The following PDE4B variants were observed in gnomAD, a reference collection of about 807,000 sequenced individuals.
PDE4B encodes the protein phosphodiesterase 4B.
PDE4B carries 20 observed loss-of-function variants against 82.2 expected under a neutral mutation model. That is an observed-to-expected ratio of 0.24 (90% CI 0.17 to 0.35). The LOEUF (loss-of-function observed/expected upper bound fraction) is 0.35, where lower values mean the gene tolerates loss of function less well. Among genes scored for constraint, PDE4B ranks in the 10% least tolerant of loss-of-function variants. PDE4B has a pLI of 1.00. For missense variants in PDE4B, 655 were observed against 907.2 expected (o/e 0.72, Z 3.57); for synonymous variants, 320 against 318.9 (o/e 1.00, Z -0.04).
At chr1:65,928,385 G>A (rs909069148) in intron 3 of PDE4B, among the ~76,000 whole-genome samples, 5 of 152,248 alleles carry the variant, frequency 3.3e-5, no homozygotes, top group East Asian at 1.9e-4. Flanking sequence ...TAGGAACACC[G>A]TGATTAATTA....
At chr1:66,075,170 A>C (rs1656353605) in intron 3 of PDE4B, among the ~76,000 whole-genome samples, 1 of 151,972 alleles carries the variant, frequency 6.6e-6, no homozygotes, top group South Asian at 2.1e-4. Context: ...ATACACTGCC[A>C]CTTCAATAAA....
chr1:65,883,554 G>C (rs560446449), intron 1 of PDE4B, among the ~76,000 whole-genome samples: 1 of 152,242 alleles, frequency 6.6e-6, no homozygotes, highest in Admixed American at 6.5e-5. Flanking sequence ...AGGAGATTTT[G>C]GGCTGAGACA....
intron 8 of PDE4B, among the ~76,000 whole-genome samples, chr1:66,338,316 ATTC>A (rs1232265632): frequency 1.3e-5 from 2 of 152,182 alleles, no homozygotes; most frequent in Non-Finnish European, 2.9e-5. Context: ...TTATTTAATA[ATTC>A]TTCTAAGGGG....
Position 66,033,788 on chromosome 1 carries a change from C to CTTTTTT in PDE4B, c.281+114954_281+114959dup, listed in dbSNP as rs4071541. ...TTTACTTTTCTTTCTTTCTTTCTTT[C>CTTTTTT]TTTTTTGTAATTTTGCTTTAAGCTT... On this transcript the variant is annotated intron_variant, in intron 3 of 16. Coordinates refer to ENST00000341517, the MANE Select transcript of PDE4B (RefSeq NM_002600.4). 6.5e-3 allele frequency among the ~76,000 whole-genome samples: 949 copies of CTTTTTT among 146,260 alleles called. 10 individuals carry two copies. Among genetic ancestry groups the CTTTTTT allele is most frequent in the Middle Eastern group, 0.05 (14 of 280 alleles).
chr1:65,947,081 G>A (rs975969513), intron 3 of PDE4B, among the ~76,000 whole-genome samples: 2 of 151,936 alleles, frequency 1.3e-5, no homozygotes, highest in Non-Finnish European at 2.9e-5. Flanking sequence ...ATCAGGCACG[G>A]TTAACATGAC....
intron 3 of PDE4B, among the ~76,000 whole-genome samples, chr1:66,186,998 G>C (rs1332692473): frequency 6.6e-6 from 1 of 152,108 alleles, no homozygotes; most frequent in African/African-American, 2.4e-5. Flanking sequence ...ATTATTTTGA[G>C]ATATGTCCCA....
At chr1:65,848,592 A>T (rs1157661435) in intron 1 of PDE4B, among the ~76,000 whole-genome samples, 1 of 152,316 alleles carries the variant, frequency 6.6e-6, no homozygotes, top group East Asian at 1.9e-4. Context: ...ATATGCTATC[A>T]CCATAGATTA....
At chr1:66,120,092 T>G (rs1645679502) in intron 3 of PDE4B, among the ~76,000 whole-genome samples, 2 of 152,220 alleles carry the variant, frequency 1.3e-5, no homozygotes, top group Non-Finnish European at 1.5e-5. Context: ...TGTAGTACTT[T>G]TTTACAACAG....
intron 3 of PDE4B, among the ~76,000 whole-genome samples, chr1:66,244,370 G>A (rs540729659): frequency 6.6e-6 from 1 of 152,096 alleles, no homozygotes; most frequent in South Asian, 2.1e-4. Context: ...CAGCCTAAAG[G>A]TGAAATATGT....
intron 3 of PDE4B, among the ~76,000 whole-genome samples, chr1:65,991,723 C>T (rs1319757021): frequency 1.3e-5 from 2 of 152,110 alleles, no homozygotes; most frequent in Non-Finnish European, 2.9e-5. Context: ...ATTTTTTGGA[C>T]TCGCCTGTCC....
chr1:65,843,067 T>C (rs1481362095), intron 1 of PDE4B, among the ~76,000 whole-genome samples: 1 of 152,118 alleles, frequency 6.6e-6, no homozygotes, highest in Non-Finnish European at 1.5e-5. Flanking sequence ...AGGAGAAAGA[T>C]GAGACTGGAG....
Position 66,208,324 on chromosome 1 carries a change from G to A in PDE4B, c.282-39136G>A, listed in dbSNP as rs146662769. ...ACTCCAGATAACAACTGTTGAGTGC[G>A]TACCATGTGGCAAACAATGGGAATG... On this transcript the variant is annotated intron_variant, in intron 3 of 16. Transcript: ENST00000341517. Among the ~76,000 whole-genome samples, 349 of 152,194 alleles carry A rather than the reference G, an allele frequency of 2.3e-3. 1 individual carries two copies. Among genetic ancestry groups the A allele is most frequent in the African/African-American group, 7.3e-3 (302 of 41,516 alleles).
intron 3 of PDE4B, among the ~76,000 whole-genome samples, chr1:66,226,595 G>A (rs886354677): frequency 6.6e-6 from 1 of 152,214 alleles, no homozygotes; most frequent in South Asian, 2.1e-4. Flanking sequence ...AGGTCAAAGA[G>A]CCTGTGGCAA....
At chr1:65,837,647 A>G (rs1030601995) in intron 1 of PDE4B, among the ~76,000 whole-genome samples, 23 of 152,280 alleles carry the variant, frequency 1.5e-4, no homozygotes, top group South Asian at 8.3e-4. Flanking sequence ...ATTCATTAGC[A>G]TCTTCAGTAA....
chr1:65,985,125 T>C (rs1650890223), intron 3 of PDE4B, among the ~76,000 whole-genome samples: 1 of 152,182 alleles, frequency 6.6e-6, no homozygotes, highest in Admixed American at 6.5e-5. Context: ...CTGATCTTGA[T>C]CTAACCTACC....
At chr1:66,327,286 A>T (rs60085295) in intron 7 of PDE4B, among the ~76,000 whole-genome samples, 1 of 152,194 alleles carries the variant, frequency 6.6e-6, no homozygotes, top group African/African-American at 2.4e-5. Flanking sequence ...AAATAAAAAG[A>T]TCATTGACTG....
rs1651834365 is a variant in PDE4B at position 66,000,990 on chromosome 1, T to A, written c.281+82155T>A. ...TATATGCTTGGAGAATTTTGGAGGA[T>A]TCTCACACAAATTCTATAATCTCCA... On this transcript the variant is annotated intron_variant, in intron 3 of 16. Coordinates refer to ENST00000341517, the MANE Select transcript of PDE4B (RefSeq NM_002600.4). 2.0e-5 allele frequency among the ~76,000 whole-genome samples: 3 copies of A among 152,306 alleles called. No individual in the cohort carries two copies. The South Asian group carries it at 6.2e-4, about 32-fold the overall frequency.
intron 1 of PDE4B, among the ~76,000 whole-genome samples, chr1:65,875,906 C>G (rs549543073): frequency 1.1e-4 from 17 of 150,860 alleles, no homozygotes; most frequent in Admixed American, 1.1e-3. Flanking sequence ...ACATATGTAA[C>G]TAACCTGCAC....
At chr1:66,305,360 A>C (rs1218234680) in intron 7 of PDE4B, among the ~76,000 whole-genome samples, 3 of 152,196 alleles carry the variant, frequency 2.0e-5, no homozygotes, top group Admixed American at 6.6e-5. Flanking sequence ...GATATGAAAA[A>C]TAGTCTTCTT....
Sources: allele counts gnomAD v4.1 joint callset (sites outside exome capture counted in the v4.1 genomes callset), GRCh38; gene constraint gnomAD v4.1.1; transcripts MANE v1.5; gene names NCBI Gene and HGNC (gene_info 2026-07-23, HGNC 2026-07-21).